Variants in TIMD4 observed in about 807,000 individuals in gnomAD.
The protein encoded by TIMD4 is T cell immunoglobulin and mucin domain containing 4, also known as T-cell immunoglobulin and mucin domain-containing protein 4.
Under a neutral mutation model 41.2 loss-of-function variants are expected in TIMD4, and 31 were observed. That is an observed-to-expected ratio of 0.75 (90% CI 0.57 to 1.01). The LOEUF is 1.01. TIMD4 is among the 50% of genes least tolerant of loss of function. The pLI, the probability that TIMD4 is intolerant of heterozygous loss-of-function variation, is 0.00. For missense variants in TIMD4, 479 were observed against 472.5 expected, an observed-to-expected ratio of 1.01 and a Z score of -0.13; for synonymous variants, 204 against 177.1, an observed-to-expected ratio of 1.15 and a Z score of -1.21.
chr5:156,934,410 C>T (rs1759502135), intron 5 of TIMD4, among the ~76,000 whole-genome samples: 1 of 152,088 alleles, frequency 6.6e-6, no homozygotes, highest in Admixed American at 6.5e-5. Flanking sequence ...TGTGTGCCAC[C>T]ACACCTAGCT....
Position 156,954,408 on chromosome 5 carries a change from T to TA in TIMD4, c.400+6_400+7insT. On this transcript the variant is annotated splice_region_variant and intron_variant, in intron 2 of 8. Transcript: ENST00000274532. ...TTCCGCAGGCATGAGGCCCTTCGTG[T>TA]GCTTACCTCTCTGTAGATTCAGGCG... 1 of 1,610,056 alleles carries TA rather than the reference T, an allele frequency of 6.2e-7. No individual in the cohort carries two copies. The highest frequency in any genetic ancestry group is 8.5e-7 in the Non-Finnish European group (1 of 1,177,954).
chr5:156,960,425 C>G (rs4407617), intron 1 of TIMD4, among the ~76,000 whole-genome samples: 95,850 of 132,180 alleles, frequency 0.73, 32,886 homozygotes, highest in East Asian at 0.84. Flanking sequence ...TTTTTTTTTT[C>G]AGAAAGAGTC....
intron 2 of TIMD4, among the ~76,000 whole-genome samples, chr5:156,953,030 C>T (rs181448239): frequency 2.4e-4 from 36 of 152,344 alleles, no homozygotes; most frequent in African/African-American, 8.2e-4. Context: ...CAGATCTCAT[C>T]CTCCCTAGAA....
chr5:156,959,161 G>A (rs1164339987), intron 1 of TIMD4, among the ~76,000 whole-genome samples: 4 of 152,112 alleles, frequency 2.6e-5, no homozygotes, highest in African/African-American at 9.7e-5. Flanking sequence ...CACCAGGAGT[G>A]TTTCGTGTCA....
chr5:156,952,020 T>A (rs1759871001), intron 2 of TIMD4, among the ~76,000 whole-genome samples: 1 of 152,126 alleles, frequency 6.6e-6, no homozygotes, highest in African/African-American at 2.4e-5. Flanking sequence ...CCAGGTGCAG[T>A]GGTTCACACC....
chr5:156,953,827 T>C (rs548079435), intron 2 of TIMD4, among the ~76,000 whole-genome samples: 3 of 152,128 alleles, frequency 2.0e-5, no homozygotes, highest in African/African-American at 7.2e-5. Context: ...GCCCTAAAGG[T>C]AATTATTGTT....
At chr5:156,938,476 T>G (rs557333332) in intron 5 of TIMD4, among the ~76,000 whole-genome samples, 3 of 152,320 alleles carry the variant, frequency 2.0e-5, no homozygotes, top group African/African-American at 7.2e-5. Context: ...ATGGATTAGA[T>G]AATCTCCAAG....
At chr5:156,926,099 T>A (rs1455410658) in intron 6 of TIMD4, among the ~76,000 whole-genome samples, 164 bp downstream of exon 6, 1 of 152,218 alleles carries the variant, frequency 6.6e-6, no homozygotes, top group African/African-American at 2.4e-5. Context: ...AGATGGGGTT[T>A]TGCCGTGTTG....
At chr5:156,951,376 T>C (rs1759849739) in intron 3 of TIMD4, 136 bp downstream of exon 3, 2 of 1,120,322 alleles carry the variant, frequency 1.8e-6, no homozygotes, top group Non-Finnish European at 2.5e-6. Context: ...CGGTGTTTGT[T>C]TGATAGGCCT....
chr5:156,936,302 C>A (rs1759538412), intron 5 of TIMD4, among the ~76,000 whole-genome samples: 1 of 152,070 alleles, frequency 6.6e-6, no homozygotes, highest in African/African-American at 2.4e-5. Context: ...TGCATTTGAC[C>A]TAAAACACTC....
intron 5 of TIMD4, among the ~76,000 whole-genome samples, chr5:156,941,244 T>C (rs929716757): frequency 6.6e-6 from 1 of 152,122 alleles, no homozygotes; most frequent in African/African-American, 2.4e-5. Context: ...TCTGCTGACC[T>C]TCTCTCCACT....
chr5:156,934,409 C>G (rs988040192), intron 5 of TIMD4, among the ~76,000 whole-genome samples: 2 of 152,090 alleles, frequency 1.3e-5, no homozygotes. Context: ...GTGTGTGCCA[C>G]CACACCTAGC....
intron 5 of TIMD4, among the ~76,000 whole-genome samples, chr5:156,934,541 G>C (rs13168975): frequency 0.35 from 52,620 of 151,900 alleles, 10,396 homozygotes; most frequent in African/African-American, 0.54. Context: ...ATCCTCCCAA[G>C]TCGTTCTCCC....
chr5:156,954,597 C>A lies in TIMD4; in HGVS notation c.218G>T (p.Gly73Val). ...GCKEALIRTDGMRVTSRKSAK... is the reference protein window; with the variant it reads ...GCKEALIRTDVMRVTSRKSAK... ...TGACTTTCTTGAGGTCACCCTCATT[C>A]CATCAGTGCGGATGAGCGCCTCCTT... Residue 73 changes from glycine (G) to valine (V), a missense_variant, in exon 2 of 9, where the codon GGA (glycine) becomes GTA (valine). By Grantham distance (109) the Gly-to-Val change is moderately radical. Coordinates refer to ENST00000274532, the MANE Select transcript of TIMD4 (RefSeq NM_138379.3). 4.3e-6 allele frequency: 7 copies of A among 1,614,246 alleles called. No homozygotes were observed. Among genetic ancestry groups the A allele is most frequent in the Non-Finnish European group, 5.9e-6 (7 of 1,180,048 alleles).
intron 1 of TIMD4, among the ~76,000 whole-genome samples, chr5:156,960,199 A>G (rs1312424241): frequency 6.6e-6 from 1 of 152,132 alleles, no homozygotes; most frequent in Non-Finnish European, 1.5e-5. Flanking sequence ...GTAGCAGGAC[A>G]TGTAGACATA....
At chr5:156,935,501 C>T (rs760797838) in intron 5 of TIMD4, 2 of 152,130 alleles carry the variant, frequency 1.3e-5, no homozygotes, top group African/African-American at 2.4e-5. Context: ...ATCAGTCAGG[C>T]GTTCCTTAGT....
chr5:156,953,663 A>AAC (rs1182548253), intron 2 of TIMD4, among the ~76,000 whole-genome samples: 1 of 145,220 alleles, frequency 6.9e-6, no homozygotes, highest in Admixed American at 6.7e-5. Context: ...CAAAAAAAAA[A>AAC]AAAAAAAAAA....
At chr5:156,927,830 G>A (rs1030397714) in intron 5 of TIMD4, among the ~76,000 whole-genome samples, 1 of 152,134 alleles carries the variant, frequency 6.6e-6, no homozygotes, top group Non-Finnish European at 1.5e-5. Context: ...GTCTAGGGGA[G>A]AAAAGTGATG....
At chr5:156,922,903 A>C (rs1204053709) in intron 6 of TIMD4, among the ~76,000 whole-genome samples, 1 of 152,218 alleles carries the variant, frequency 6.6e-6, no homozygotes, top group African/African-American at 2.4e-5. Flanking sequence ...TTTTTTCAAA[A>C]TAGAGTTAGT....
Sources: gnomAD v4.1 joint callset for allele counts (sites outside exome capture counted in the v4.1 genomes callset) on GRCh38, gnomAD v4.1.1 for gene constraint, MANE v1.5 for transcripts, NCBI Gene and HGNC (gene_info 2026-07-23, HGNC 2026-07-21) for gene names.